VPS41: variants seen among roughly 807,000 people sequenced by gnomAD.
The protein encoded by VPS41 is VPS41 subunit of HOPS complex, also known as vacuolar protein sorting-associated protein 41 homolog.
VPS41 carries 85 observed loss-of-function variants against 130.9 expected under a neutral mutation model. The ratio of observed to expected loss-of-function variants is 0.65; its 90% CI spans 0.55 to 0.78. The LOEUF (loss-of-function observed/expected upper bound fraction) is 0.78, where lower values mean the gene tolerates loss of function less well. VPS41 is among the 30% of genes least tolerant of loss of function. The pLI is 0.00. For missense variants in VPS41, 874 were observed against 1,018.7 expected (o/e 0.86, Z 1.93); for synonymous variants, 335 against 332.9 (o/e 1.01, Z -0.07).
At chr7:38,818,348 G>T (rs1404120165) in intron 6 of VPS41, among the ~76,000 whole-genome samples, 1 of 151,958 alleles carries the variant, frequency 6.6e-6, no homozygotes, top group African/African-American at 2.4e-5. Context: ...CAGACGTTTA[G>T]CCCACTTACA....
intron 17 of VPS41, among the ~76,000 whole-genome samples, chr7:38,762,468 G>C (rs973605214): frequency 1.3e-5 from 2 of 152,130 alleles, no homozygotes; most frequent in Non-Finnish European, 2.9e-5. Context: ...CAAAGCTACA[G>C]GCATATGACT....
chr7:38,839,422 G>A (rs1450333064), intron 4 of VPS41, among the ~76,000 whole-genome samples: 2 of 152,102 alleles, frequency 1.3e-5, no homozygotes, highest in Non-Finnish European at 2.9e-5. Flanking sequence ...AACCAGAACA[G>A]TATATTCTTT....
At chr7:38,764,140 TGCAGACAATTAA>T (rs1391932877) in intron 16 of VPS41, among the ~76,000 whole-genome samples, 1 of 152,202 alleles carries the variant, frequency 6.6e-6, no homozygotes, top group African/African-American at 2.4e-5. Context: ...AAGAAAGATA[TGCAGACAATTAA>T]ACAGACAATA....
chr7:38,901,521 C>T (rs1161545752), intron 1 of VPS41, among the ~76,000 whole-genome samples: 1 of 152,034 alleles, frequency 6.6e-6, no homozygotes, highest in Non-Finnish European at 1.5e-5. Flanking sequence ...TGGGGAGGTG[C>T]CAGGCTCTTT....
chr7:38,894,709 C>T (rs1370909146), intron 2 of VPS41, among the ~76,000 whole-genome samples: 2 of 152,056 alleles, frequency 1.3e-5, no homozygotes, highest in Non-Finnish European at 2.9e-5. Context: ...AAGTGCTATG[C>T]CCAGGTCATA....
intron 4 of VPS41, among the ~76,000 whole-genome samples, chr7:38,860,377 G>C (rs1786079496): frequency 6.6e-6 from 1 of 152,054 alleles, no homozygotes. Context: ...TTTTACATAT[G>C]TAGATCATGA....
intron 1 of VPS41, 113 bp from the exon 2 acceptor site, chr7:38,898,242 G>A (rs1787057021): frequency 2.4e-6 from 2 of 840,282 alleles, no homozygotes; most frequent in African/African-American, 1.7e-5. Flanking sequence ...TTTTGGAAGA[G>A]AATCTACAAC....
At chr7:38,794,532 T>G (rs997769332) in intron 9 of VPS41, among the ~76,000 whole-genome samples, 10 of 152,250 alleles carry the variant, frequency 6.6e-5, no homozygotes, top group Admixed American at 5.9e-4. Context: ...TATTAAGCAA[T>G]TACATCAGAT....
At chr7:38,899,515 T>C (rs768615767) in intron 1 of VPS41, among the ~76,000 whole-genome samples, 10 of 152,262 alleles carry the variant, frequency 6.6e-5, no homozygotes, top group Non-Finnish European at 1.5e-4. Flanking sequence ...GTCCTCTTAC[T>C]GTACTGATCC....
chr7:38,826,692 A>T (rs1054227132), intron 5 of VPS41, among the ~76,000 whole-genome samples: 1 of 152,230 alleles, frequency 6.6e-6, no homozygotes, highest in Admixed American at 6.5e-5. Flanking sequence ...AGAGGTATAA[A>T]TAACTTAGCA....
intron 7 of VPS41, among the ~76,000 whole-genome samples, chr7:38,814,373 CG>C (rs1474617771): frequency 1.6e-4 from 24 of 152,174 alleles, no homozygotes; most frequent in Non-Finnish European, 1.0e-4. Context: ...GAACACAGGC[CG>C]GGCGTGGTGG....
intron 25 of VPS41, among the ~76,000 whole-genome samples, chr7:38,739,476 C>T (rs1032372301): frequency 6.6e-5 from 10 of 152,268 alleles, no homozygotes; most frequent in African/African-American, 2.4e-4. Flanking sequence ...TTTATTTTTA[C>T]AGTGAACCCT....
intron 2 of VPS41, among the ~76,000 whole-genome samples, chr7:38,896,430 A>G (rs1469774321): frequency 2.0e-5 from 3 of 152,284 alleles, no homozygotes; most frequent in East Asian, 1.9e-4. Context: ...ACACAATGAC[A>G]TAATACATAA....
At chr7:38,791,720 C>T (rs544381479) in intron 9 of VPS41, among the ~76,000 whole-genome samples, 34 of 152,138 alleles carry the variant, frequency 2.2e-4, no homozygotes, top group South Asian at 4.2e-4. Flanking sequence ...TGGAGAGTAA[C>T]GGAGAGGCAG....
rs1169105607 is a variant in VPS41 at position 38,831,146 on chromosome 7, A to G, written c.247-818T>C. On this transcript the variant is annotated intron_variant, in intron 4 of 28. Transcript: ENST00000310301. ...TTCTGTTAATAGTTTACTTATTCAGATCTTGAGTTCATCAAACTACATTTT... is the reference window on the plus strand; with the variant it reads ...TTCTGTTAATAGTTTACTTATTCAGGTCTTGAGTTCATCAAACTACATTTT... 1.9e-5 allele frequency: 9 copies of G among 466,944 alleles called. No homozygotes were observed. The East Asian group carries it at 5.6e-4, about 29-fold the overall frequency. 28.9% of individuals were successfully genotyped at this position (466,944 alleles called of 1,614,324 possible).
intron 17 of VPS41, among the ~76,000 whole-genome samples, chr7:38,761,289 T>C (rs1783911037): frequency 8.6e-6 from 1 of 116,186 alleles, no homozygotes; most frequent in African/African-American, 3.0e-5. Flanking sequence ...TTTTTTTTTT[T>C]TTTTCAGGTG....
At position 38,848,446 on chromosome 7, in the gene VPS41, C is replaced by A. The variant is rs1018545446; in HGVS notation, c.246+14099G>T. Among the ~76,000 whole-genome samples the A allele has an allele frequency of 7.9e-5, 12 of 151,996 alleles. 1 individual carries two copies. Among genetic ancestry groups the A allele is most frequent in the Admixed American group, 3.3e-4 (5 of 15,262 alleles). Reference sequence around the variant, plus strand: ...CTACCTCCCTTTCAGTTTGCCTACCCCATATACAATTGAACATTATTAAAG... The same window carrying A: ...CTACCTCCCTTTCAGTTTGCCTACCACATATACAATTGAACATTATTAAAG... On this transcript the variant is annotated intron_variant, in intron 4 of 28. Coordinates refer to ENST00000310301, the MANE Select transcript of VPS41 (RefSeq NM_014396.4).
At chr7:38,766,938 G>A (rs565509410) in intron 15 of VPS41, among the ~76,000 whole-genome samples, 1 of 152,252 alleles carries the variant, frequency 6.6e-6, no homozygotes, top group East Asian at 1.9e-4. Context: ...TATTAGCAGT[G>A]TGAGAATGGA....
At chr7:38,869,116 C>A in intron 3 of VPS41, 30 bp downstream of exon 3, 3 of 1,480,474 alleles carry the variant, frequency 2.0e-6, no homozygotes, top group Non-Finnish European at 2.7e-6. Context: ...AAACAATTTA[C>A]AGAAGAATCC....
Sources: gnomAD v4.1 joint callset for allele counts (sites outside exome capture counted in the v4.1 genomes callset) on GRCh38, gnomAD v4.1.1 for gene constraint, MANE v1.5 for transcripts, NCBI Gene and HGNC (gene_info 2026-07-23, HGNC 2026-07-21) for gene names.